The following HEPACAM variants were observed in gnomAD, a reference collection of about 807,000 sequenced individuals.
The protein encoded by HEPACAM is hepatocyte cell adhesion molecule.
A neutral mutation model predicts 38.3 loss-of-function variants in HEPACAM; 18 were observed. The observed-to-expected ratio is 0.47, with a 90% confidence interval of 0.33 to 0.70. HEPACAM has a LOEUF of 0.70. HEPACAM is among the 30% of genes least tolerant of loss of function. HEPACAM has a pLI of 0.03. For missense variants in HEPACAM, 466 were observed against 563.0 expected, an observed-to-expected ratio of 0.83 and a Z score of 1.74; for synonymous variants, 216 against 243.1, an observed-to-expected ratio of 0.89 and a Z score of 1.04.
chr11:124,924,786 C>A lies in HEPACAM; in HGVS notation c.369G>T (p.Glu123Asp). The change falls in exon 2 of 7, where the codon GAG (glutamate) becomes GAT (aspartate). Residue 123 changes from glutamate to aspartate, a missense_variant. Coordinates refer to ENST00000298251, the MANE Select transcript of HEPACAM (RefSeq NM_152722.5). This position sits in a 1 kb window ranked among gnomAD's most constrained non-coding sequence, Gnocchi z 4.4. ...QLADEGTYEVEISITDDTFTG... is the reference protein window; with the variant it reads ...QLADEGTYEVDISITDDTFTG... ...TGAAGGTGTCGTCGGTGATGGAGATCTCGACCTCATAGGTGCCCTCATCGG... is the reference window on the plus strand; with the variant it reads ...TGAAGGTGTCGTCGGTGATGGAGATATCGACCTCATAGGTGCCCTCATCGG... The A allele has an allele frequency of 6.2e-7, 1 of 1,614,178 alleles. No individual in the cohort carries two copies. The highest frequency in any genetic ancestry group is 8.5e-7 in the Non-Finnish European group (1 of 1,180,030).
chr11:124,926,604 T>C (rs990827564), intron 1 of HEPACAM, among the ~76,000 whole-genome samples: 7 of 152,142 alleles, frequency 4.6e-5, no homozygotes, highest in Admixed American at 2.0e-4. Context: ...AGGACGCCGG[T>C]TGGGAGCAGG....
intron 1 of HEPACAM, among the ~76,000 whole-genome samples, 183 bp from the exon 2 acceptor site, chr11:124,925,252 C>T (rs1399852218): frequency 6.6e-6 from 1 of 152,224 alleles, no homozygotes; most frequent in Non-Finnish European, 1.5e-5. Context: ...GCACTTCTGC[C>T]CCTTTGTTCT....
In HEPACAM at chr11:124,921,241, C is replaced by T. The variant is rs763962935; in HGVS notation, c.1148G>A (p.Ser383Asn). 6.9e-6 allele frequency: 10 copies of T among 1,459,336 alleles called. No homozygotes were observed. The South Asian group carries it at 1.3e-4, about 19-fold the overall frequency. The allele number at this position is 1,459,336 out of a possible 1,614,324, so 90.4% of individuals were successfully genotyped here. Residue 383 changes from serine to asparagine, a missense_variant, in exon 7 of 7, where the codon AGC (serine) becomes AAC (asparagine). By Grantham distance (46) the Ser-to-Asn change is conservative. Transcript: ENST00000298251. This position sits in a 1 kb window ranked among gnomAD's most constrained non-coding sequence, Gnocchi z 4.6. ...RTHSSPPRAP[S>N]SPGRSRSASR... ...GGCGCTGCGCGAGCGGCCGGGCGAG[C>T]TCGGGGCCCTGGGCGGCGACGAGTG...
intron 1 of HEPACAM, 93 bp downstream of exon 1, chr11:124,935,829 C>T (rs981433541): frequency 1.0e-5 from 11 of 1,056,662 alleles, no homozygotes; most frequent in Non-Finnish European, 1.6e-5. Context: ...CACTCCTGCC[C>T]CAAAGGCATT....
At chr11:124,930,552 C>T (rs76664260) in intron 1 of HEPACAM, among the ~76,000 whole-genome samples, 1,743 of 152,296 alleles carry the variant, frequency 0.011, 37 homozygotes, top group African/African-American at 0.04. Flanking sequence ...CAGAGAGTTA[C>T]TATGTTTGTG....
rs1947172569 is a variant in HEPACAM at position 124,923,868 on chromosome 11, G to A, written c.570C>T (p.Asp190=). ...GGTCGGGGGACAGGAGCATTCTCGA[G>A]TCATTGAGGAGGGGCTTGCCATCCT... ...WLKDGKPLLN[D]SRMLLSPDQK... is the part of the protein sequence containing the mutation. Residue 190 remains aspartate, a synonymous_variant, in exon 3 of 7, where the codon GAC becomes GAT. Transcript: ENST00000298251. The A allele has an allele frequency of 1.2e-6, 2 of 1,614,000 alleles. No individual in the cohort carries two copies. Among genetic ancestry groups the A allele is most frequent in the African/African-American group, 2.7e-5 (2 of 74,924 alleles).
At chr11:124,932,660 C>A (rs1947292632) in intron 1 of HEPACAM, among the ~76,000 whole-genome samples, 1 of 152,122 alleles carries the variant, frequency 6.6e-6, no homozygotes, top group Non-Finnish European at 1.5e-5. Flanking sequence ...ATCCTAAAAA[C>A]TACATTTCCC....
In HEPACAM at chr11:124,920,430, AG is replaced by A. The variant is rs1271187088; in HGVS notation, c.*707del. ...TGCCTCCGAGGGAGGCTGTGGGAGG[AG>A]GCCAAGCTGGCAGGCTCGGGTTCTT... On this transcript the variant is annotated 3_prime_UTR_variant, in exon 7 of 7. Transcript: ENST00000298251. The A allele has an allele frequency of 6.5e-7, 1 of 1,547,600 alleles. No homozygotes were observed. The highest frequency in any genetic ancestry group is 1.4e-5 in the African/African-American group (1 of 72,908).
chr11:124,927,519 T>G (rs1947230491), intron 1 of HEPACAM, among the ~76,000 whole-genome samples: 1 of 127,344 alleles, frequency 7.9e-6, no homozygotes, highest in African/African-American at 3.3e-5. Context: ...GGTTTTTTTT[T>G]TTTGTTTTTT....
chr11:124,927,526 T>TTG (rs1229205755), intron 1 of HEPACAM, among the ~76,000 whole-genome samples: 2 of 146,148 alleles, frequency 1.4e-5, no homozygotes, highest in Admixed American at 6.8e-5. Context: ...TTTTTTTGTT[T>TTG]TTTTTTTTTT....
At chr11:124,931,414 C>T (rs1947279841) in intron 1 of HEPACAM, among the ~76,000 whole-genome samples, 1 of 152,120 alleles carries the variant, frequency 6.6e-6, no homozygotes, top group Non-Finnish European at 1.5e-5. Context: ...ACTACATTGC[C>T]CAGGCTGGTC....
chr11:124,923,674 G>T (rs1591548611), intron 3 of HEPACAM, 55 bp downstream of exon 3: 1 of 1,604,660 alleles, frequency 6.2e-7, no homozygotes. Context: ...GTCCCTCATG[G>T]TCACCTGCCT....
Position 124,924,033 on chromosome 11 carries a change from C to G in HEPACAM, c.428-23G>C. The G allele has an allele frequency of 6.3e-7, 1 of 1,596,074 alleles. No individual in the cohort carries two copies. The highest frequency in any genetic ancestry group is 1.3e-5 in the African/African-American group (1 of 74,778). On this transcript the variant is annotated intron_variant, in intron 2 of 6. Transcript: ENST00000298251. This position sits in a 1 kb window ranked among gnomAD's most constrained non-coding sequence, Gnocchi z 4.4. Reference sequence around the variant, plus strand: ...GCACTGAGCCGCAGGAATGGGGGAGCCTGTAAGTCATTGGCTAAGAAGTGT... The same window carrying G: ...GCACTGAGCCGCAGGAATGGGGGAGGCTGTAAGTCATTGGCTAAGAAGTGT...
chr11:124,927,156 C>G, intron 1 of HEPACAM, among the ~76,000 whole-genome samples: 1 of 152,110 alleles, frequency 6.6e-6, no homozygotes, highest in East Asian at 1.9e-4. Flanking sequence ...AGGCATGAGC[C>G]ACTGCGTGGT....
rs1287636764 is a variant in HEPACAM, at chr11:124,921,275, C to T, written c.1114G>A (p.Gly372Ser). The change falls in exon 7 of 7, where the codon GGC becomes AGC. Residue 372 changes from glycine to serine, a missense_variant. Gly to Ser is a moderately conservative substitution (Grantham distance 56, BLOSUM62 0). Transcript: ENST00000298251. The surrounding 1 kb of genome is among the most constrained non-coding windows in gnomAD (Gnocchi z 4.6). ...CTGGGCGGCGACGAGTGTGTCCGGCCGGTGGCTGGGGAGCGCGCTGGGGAG... is the reference window on the plus strand; with the variant it reads ...CTGGGCGGCGACGAGTGTGTCCGGCTGGTGGCTGGGGAGCGCGCTGGGGAG... ...PRSPARSPATGRTHSSPPRAP... is the reference protein window; with the variant it reads ...PRSPARSPATSRTHSSPPRAP... The T allele has an allele frequency of 1.5e-6, 2 of 1,364,848 alleles. No homozygotes were observed. The highest frequency in any genetic ancestry group is 3.1e-5 in the East Asian group (1 of 32,360). The allele number at this position is 1,364,848 out of a possible 1,614,324, so 84.5% of individuals were successfully genotyped here.
At position 124,920,937 on chromosome 11, in the gene HEPACAM, G is replaced by A; in HGVS notation, c.*201C>T. ...AGTAAACCGGAAGCAAATGCGACCC[G>A]GTTTCACCATATCAACACTGCCGCC... On this transcript the variant is annotated 3_prime_UTR_variant, in exon 7 of 7. Coordinates refer to ENST00000298251, the MANE Select transcript of HEPACAM (RefSeq NM_152722.5). 2.2e-6 allele frequency: 3 copies of A among 1,356,030 alleles called. No individual in the cohort carries two copies. Among genetic ancestry groups the A allele is most frequent in the Non-Finnish European group, 2.8e-6 (3 of 1,057,680 alleles). The allele number at this position is 1,356,030 out of a possible 1,614,324, so 84.0% of individuals were successfully genotyped here. A position where few individuals can be genotyped will look rare whatever the true frequency, so the allele number is the denominator to read the frequency against.
In HEPACAM at chr11:124,923,822, G is replaced by A. The variant is rs551755804; in HGVS notation, c.616C>T (p.Arg206Cys). Residue 206 changes from arginine (R) to cysteine (C), a missense_variant, in exon 3 of 7, where the codon CGC becomes TGC. Arg to Cys is a radical substitution (Grantham distance 180). Coordinates refer to ENST00000298251, the MANE Select transcript of HEPACAM (RefSeq NM_152722.5). The part of the protein sequence containing the change: ...SPDQKVLTIT[R>C]VLMEDDDLYS... Reference sequence around the variant, plus strand: ...AGGTCGTCATCCTCCATGAGCACGCGGGTGATGGTGAGCACCTTTTGGTCG... The same window carrying A: ...AGGTCGTCATCCTCCATGAGCACGCAGGTGATGGTGAGCACCTTTTGGTCG... 2.2e-5 allele frequency: 35 copies of A among 1,614,196 alleles called. No individual in the cohort carries two copies. The highest frequency in any genetic ancestry group is 3.3e-5 in the Admixed American group (2 of 60,032).
chr11:124,925,877 T>C (rs1028799262), intron 1 of HEPACAM, among the ~76,000 whole-genome samples: 5 of 152,202 alleles, frequency 3.3e-5, no homozygotes, highest in African/African-American at 9.7e-5. Flanking sequence ...TGGATTTGGG[T>C]ACTCATTCTT....
At chr11:124,926,626 CT>C (rs1947213325) in intron 1 of HEPACAM, among the ~76,000 whole-genome samples, 1 of 152,144 alleles carries the variant, frequency 6.6e-6, no homozygotes, top group African/African-American at 2.4e-5. Flanking sequence ...CTGAGTTTAG[CT>C]GAATAGACAC....
Sources: allele counts gnomAD v4.1 joint callset (sites outside exome capture counted in the v4.1 genomes callset), GRCh38; gene constraint gnomAD v4.1.1; non-coding constraint Gnocchi (gnomAD v3.1); transcripts MANE v1.5; gene names NCBI Gene and HGNC (gene_info 2026-07-23, HGNC 2026-07-21).